Variants in MTUS2 observed in about 807,000 individuals in gnomAD.
The protein encoded by MTUS2 is microtubule-associated tumor suppressor candidate 2.
In MTUS2, 40 loss-of-function variants were observed where a neutral mutation model predicts 114.1. That is an observed-to-expected ratio of 0.35 (90% confidence interval 0.27 to 0.46). MTUS2 has a LOEUF of 0.46. Among genes scored for constraint, MTUS2 ranks in the 20% least tolerant of loss-of-function variants. The pLI, the probability that MTUS2 is intolerant of heterozygous loss-of-function variation, is 1.00. For missense variants in MTUS2, 1,679 were observed against 1,705.4 expected (o/e 0.98, Z 0.27); for synonymous variants, 688 against 672.0 (o/e 1.02, Z -0.37).
At chr13:29,106,669 T>C (rs113102567) in intron 5 of MTUS2, among the ~76,000 whole-genome samples, 3,798 of 152,176 alleles carry the variant, frequency 0.025, 172 homozygotes, top group African/African-American at 0.087. Context: ...CATGGCTGCT[T>C]TTTGCCTTCT....
chr13:29,117,828 T>G (rs903042265), intron 5 of MTUS2, among the ~76,000 whole-genome samples: 2 of 152,138 alleles, frequency 1.3e-5, no homozygotes, highest in African/African-American at 2.4e-5. Flanking sequence ...TCGGGCCCTG[T>G]CAGCCGTGAG....
At chr13:29,400,439 A>G (rs1163883134) in intron 8 of MTUS2, among the ~76,000 whole-genome samples, 1 of 152,228 alleles carries the variant, frequency 6.6e-6, no homozygotes, top group African/African-American at 2.4e-5. Context: ...TCTAAGCAGC[A>G]CAGAAATTGT....
intron 6 of MTUS2, among the ~76,000 whole-genome samples, chr13:29,286,703 T>TATC (rs1555261591): frequency 1.3e-5 from 2 of 152,132 alleles, no homozygotes; most frequent in Non-Finnish European, 2.9e-5. Context: ...TCTATCTTAC[T>TATC]TATTTGAGAC....
intron 2 of MTUS2, among the ~76,000 whole-genome samples, chr13:28,857,303 T>C (rs1876693747): frequency 6.6e-6 from 1 of 152,222 alleles, no homozygotes; most frequent in Non-Finnish European, 1.5e-5. Flanking sequence ...GTGATTCGTC[T>C]TTTTAAAAAT....
chr13:29,443,296 C>T (rs913208000), intron 9 of MTUS2, among the ~76,000 whole-genome samples: 6 of 152,250 alleles, frequency 3.9e-5, no homozygotes, highest in African/African-American at 1.4e-4. Context: ...CTGCACTCCC[C>T]ATGGGCAAGC....
chr13:29,421,535 G>A (rs770941729), intron 8 of MTUS2, among the ~76,000 whole-genome samples: 1 of 152,150 alleles, frequency 6.6e-6, no homozygotes, highest in Non-Finnish European at 1.5e-5. Context: ...AGCCACCTTC[G>A]GCTTTGACTC....
rs1881093220 is a variant in MTUS2 at position 29,480,602 on chromosome 13, C to T, written c.3399+238C>T. ...GTGCCCTCTGCCTGGAATGCTCTCC[C>T]TCTAGACAGTGCATGGCTGCCTCTT... On this transcript the variant is annotated intron_variant, in intron 10 of 15. Coordinates refer to ENST00000612955, the MANE Select transcript of MTUS2 (RefSeq NM_001033602.4). This position sits in a 1 kb window ranked among gnomAD's most constrained non-coding sequence, Gnocchi z 4.4. Among the ~76,000 whole-genome samples, 1 of 152,176 alleles carries T rather than the reference C, an allele frequency of 6.6e-6. No homozygotes were observed. The highest frequency in any genetic ancestry group is 1.5e-5 in the Non-Finnish European group (1 of 68,036).
At chr13:29,050,541 G>T (rs2098557597) in intron 4 of MTUS2, among the ~76,000 whole-genome samples, 2 of 152,110 alleles carry the variant, frequency 1.3e-5, no homozygotes, top group Non-Finnish European at 2.9e-5. Context: ...CCCCAGGGGT[G>T]CTCTCCCTCT....
chr13:29,047,659 G>A (rs2479769), intron 4 of MTUS2, among the ~76,000 whole-genome samples: 147,566 of 152,082 alleles, frequency 0.97, 71,618 homozygotes, highest in Non-Finnish European at 0.98. Flanking sequence ...AACTACAGGC[G>A]CCCGCCACCT....
chr13:29,492,657 A>G lies in MTUS2; in HGVS notation c.3517A>G (p.Thr1173Ala), dbSNP rs770100226. 1.2e-6 allele frequency: 2 copies of G among 1,613,190 alleles called. No homozygotes were observed. Among genetic ancestry groups the G allele is most frequent in the East Asian group, 2.2e-5 (1 of 44,870 alleles). ...TGTCTTCTTTCCAGAATTGATGTCC[A>G]CTCATGAGCTTGAAAAGAAAGAATT... ...HDHKVQELMS[T>A]HELEKKELEE... The change falls in exon 12 of 16, where the codon ACT becomes GCT. Residue 1173 changes from threonine to alanine, a missense_variant. Around this residue, in one of 3 missense-constraint regions of MTUS2, gnomAD observed 822 missense variants for 899.7 expected, o/e 0.91. Coordinates refer to ENST00000612955, the MANE Select transcript of MTUS2 (RefSeq NM_001033602.4).
At chr13:28,903,811 G>A (rs1363295680) in intron 2 of MTUS2, among the ~76,000 whole-genome samples, 3 of 152,010 alleles carry the variant, frequency 2.0e-5, no homozygotes, top group Non-Finnish European at 2.9e-5. Context: ...GGTATTTCTA[G>A]TTCTAGATCC....
At chr13:29,031,237 G>GTGTGTGTGTGTGTGTGT (rs1555287203) in intron 3 of MTUS2, among the ~76,000 whole-genome samples, 2 of 122,886 alleles carry the variant, frequency 1.6e-5, no homozygotes, top group South Asian at 3.0e-4. Flanking sequence ...AGAACTAATA[G>GTGTGTGTGTGTGTGTGT]GTGTGTGTGT....
intron 2 of MTUS2, among the ~76,000 whole-genome samples, chr13:28,860,032 G>T (rs912163706): frequency 6.6e-6 from 1 of 152,188 alleles, no homozygotes; most frequent in Admixed American, 6.5e-5. Flanking sequence ...GTTGTGATCA[G>T]TTAGACAAAG....
intron 5 of MTUS2, among the ~76,000 whole-genome samples, chr13:29,125,796 A>G (rs746968694): frequency 6.6e-5 from 10 of 152,218 alleles, no homozygotes; most frequent in Admixed American, 1.3e-4. Flanking sequence ...TTAGCAAACA[A>G]AGACAATAGT....
intron 5 of MTUS2, among the ~76,000 whole-genome samples, chr13:29,220,980 C>T (rs772943776): frequency 3.3e-5 from 5 of 152,108 alleles, no homozygotes; most frequent in Non-Finnish European, 7.3e-5. Context: ...ATTGATAGTC[C>T]CATAGTTATT....
chr13:29,161,769 C>G (rs1207421360), intron 5 of MTUS2, among the ~76,000 whole-genome samples: 1 of 152,356 alleles, frequency 6.6e-6, no homozygotes, highest in East Asian at 1.9e-4. Flanking sequence ...TGCTCCCTGA[C>G]CTAGCAGCAT....
At chr13:29,305,553 C>A (rs185897851) in intron 6 of MTUS2, among the ~76,000 whole-genome samples, 4 of 152,202 alleles carry the variant, frequency 2.6e-5, no homozygotes, top group East Asian at 1.9e-4. Flanking sequence ...TGAATAAATT[C>A]TTGGGTGCAT....
intron 5 of MTUS2, among the ~76,000 whole-genome samples, chr13:29,140,439 C>T (rs560561837): frequency 5.3e-5 from 8 of 152,332 alleles, no homozygotes; most frequent in Non-Finnish European, 8.8e-5. Flanking sequence ...TGCAGTCTCA[C>T]GTCCTGTCAG....
rs1891606820 is a variant in MTUS2, at chr13:29,128,340, G to A, written c.2644+27370G>A. Among the ~76,000 whole-genome samples the A allele has an allele frequency of 6.6e-5, 10 of 152,270 alleles. No homozygotes were observed. In the South Asian group the frequency reaches 2.1e-3, roughly 32 times the overall value. On this transcript the variant is annotated intron_variant, in intron 5 of 15. Coordinates refer to ENST00000612955, the MANE Select transcript of MTUS2 (RefSeq NM_001033602.4). The stretch of plus-strand genomic sequence containing the variant: ...ACATAATAGGCGGCAAAGGGAGTGG[G>A]TTAGAGAAGGTGAAACTCAAGGAGA...
Sources: allele counts gnomAD v4.1 joint callset (sites outside exome capture counted in the v4.1 genomes callset), GRCh38; gene constraint gnomAD v4.1.1; regional missense constraint gnomAD v4.1.1; non-coding constraint Gnocchi (gnomAD v3.1); transcripts MANE v1.5; gene names NCBI Gene and HGNC (gene_info 2026-07-23, HGNC 2026-07-21).